NAV3: variants seen among roughly 807,000 people sequenced by gnomAD.
The protein encoded by NAV3 is pore membrane and/or filament interacting like protein 1.
In NAV3, 87 loss-of-function variants were observed where a neutral mutation model predicts 244.7. The ratio of observed to expected loss-of-function variants is 0.36; its 90% CI spans 0.30 to 0.42. The LOEUF (loss-of-function observed/expected upper bound fraction) is 0.42. Among genes scored for constraint, NAV3 ranks in the 20% least tolerant of loss-of-function variants. The pLI is 1.00. For missense variants in NAV3, 2,663 were observed against 2,893.3 expected (o/e 0.92, Z 1.83); for synonymous variants, 1,126 against 1,042.2 (o/e 1.08, Z -1.55).
At chr12:77,816,716 C>G (rs1412354714) in intron 2 of NAV3, among the ~76,000 whole-genome samples, 4 of 152,148 alleles carry the variant, frequency 2.6e-5, no homozygotes, top group African/African-American at 9.7e-5. Flanking sequence ...TTTTTATCAT[C>G]TGTCACTCCT....
chr12:77,814,312 A>G (rs1872437710), intron 2 of NAV3, among the ~76,000 whole-genome samples: 1 of 152,168 alleles, frequency 6.6e-6, no homozygotes, highest in African/African-American at 2.4e-5. Flanking sequence ...CCCTATGACA[A>G]ATTTCACAAG....
In NAV3 at chr12:77,708,418, T is replaced by C. The variant is rs540220294; in HGVS notation, c.72+136152T>C. 3.9e-3 allele frequency among the ~76,000 whole-genome samples: 589 copies of C among 152,322 alleles called. 4 individuals carry two copies. The highest frequency in any genetic ancestry group is 0.014 in the African/African-American group (563 of 41,560). On this transcript the variant is annotated intron_variant, in intron 2 of 8. Transcript: ENST00000550042. Reference sequence around the variant, plus strand: ...CTCTGTTCTGTTCCATTGATCTATATCTCTGTTTTTGTACCAGTACCATGC... The same window carrying C: ...CTCTGTTCTGTTCCATTGATCTATACCTCTGTTTTTGTACCAGTACCATGC...
At chr12:78,124,866 C>T (rs1040018023) in intron 16 of NAV3, among the ~76,000 whole-genome samples, 1 of 151,974 alleles carries the variant, frequency 6.6e-6, no homozygotes. Context: ...TGCCTTTGAG[C>T]CTTAATAAAA....
At chr12:77,778,419 T>C (rs1488265809) in intron 2 of NAV3, among the ~76,000 whole-genome samples, 3 of 151,402 alleles carry the variant, frequency 2.0e-5, no homozygotes, top group East Asian at 2.0e-4. Context: ...GAGACAATCC[T>C]GGCTAACACG....
intron 2 of NAV3, among the ~76,000 whole-genome samples, chr12:77,765,079 G>A (rs896173375): frequency 6.6e-6 from 1 of 152,222 alleles, no homozygotes; most frequent in Non-Finnish European, 1.5e-5. Context: ...CAGAAATCCT[G>A]ATCTTTTCAA....
intron 5 of NAV3, among the ~76,000 whole-genome samples, chr12:77,988,228 T>A (rs1173205901): frequency 6.6e-6 from 1 of 152,156 alleles, no homozygotes; most frequent in Non-Finnish European, 1.5e-5. Context: ...GTTCTATATT[T>A]CTAACAAGCC....
intron 3 of NAV3, among the ~76,000 whole-genome samples, chr12:77,965,210 A>G (rs1309802178): frequency 1.3e-5 from 2 of 152,220 alleles, no homozygotes; most frequent in African/African-American, 4.8e-5. Context: ...CTATGCTCTT[A>G]CGAATCTTAG....
intron 12 of NAV3, among the ~76,000 whole-genome samples, chr12:78,062,930 T>G (rs1215158113): frequency 2.0e-5 from 3 of 152,174 alleles, no homozygotes; most frequent in Non-Finnish European, 4.4e-5. Flanking sequence ...TTAGTTATTC[T>G]TTCTAAAAGC....
At chr12:77,655,004 G>A (rs567379588) in intron 2 of NAV3, among the ~76,000 whole-genome samples, 20 of 151,852 alleles carry the variant, frequency 1.3e-4, no homozygotes, top group African/African-American at 4.1e-4. Context: ...CCACAAAGAT[G>A]GGGAAAAAAC....
chr12:77,729,734 A>G lies in NAV3; in HGVS notation c.72+157468A>G, dbSNP rs150202450. Among the ~76,000 whole-genome samples the G allele has an allele frequency of 3.2e-4, 49 of 152,088 alleles. No homozygotes were observed. The East Asian group carries it at 8.7e-3, about 27-fold the overall frequency. Reference sequence around the variant, plus strand: ...TTCAGATTTCCTCCACAGCCAAATGACAACTCCTCCTAAATCCTGATATAA... The same window carrying G: ...TTCAGATTTCCTCCACAGCCAAATGGCAACTCCTCCTAAATCCTGATATAA... On this transcript the variant is annotated intron_variant, in intron 2 of 8. Coordinates refer to the NAV3 transcript ENST00000550042.
intron 2 of NAV3, among the ~76,000 whole-genome samples, chr12:77,641,753 G>A (rs1343777371): frequency 6.6e-6 from 1 of 152,048 alleles, no homozygotes; most frequent in Non-Finnish European, 1.5e-5. Context: ...CTATAGCAAT[G>A]CAATTGTCTG....
At chr12:77,997,073 C>A (rs76468812) in intron 6 of NAV3, among the ~76,000 whole-genome samples, 1 of 151,820 alleles carries the variant, frequency 6.6e-6, no homozygotes, top group African/African-American at 2.4e-5. Flanking sequence ...AACCCCGTCT[C>A]TATCAAAATA....
At chr12:78,076,693 A>G (rs142133112) in intron 12 of NAV3, among the ~76,000 whole-genome samples, 1 of 152,332 alleles carries the variant, frequency 6.6e-6, no homozygotes, top group East Asian at 1.9e-4. Context: ...GCTTTTTAAA[A>G]AAAACACAGG....
At chr12:77,579,801 A>T (rs1869266353) in intron 2 of NAV3, among the ~76,000 whole-genome samples, 1 of 152,232 alleles carries the variant, frequency 6.6e-6, no homozygotes, top group South Asian at 2.1e-4. Context: ...GCAAAGAGTT[A>T]AAAGCACAGA....
intron 2 of NAV3, among the ~76,000 whole-genome samples, chr12:77,642,166 G>A (rs1019663583): frequency 2.6e-5 from 4 of 152,026 alleles, no homozygotes; most frequent in African/African-American, 9.7e-5. Flanking sequence ...CCCTTCCAAT[G>A]GGGTTGGAAG....
intron 8 of NAV3, among the ~76,000 whole-genome samples, chr12:78,011,692 G>A (rs998548032): frequency 2.0e-5 from 3 of 152,098 alleles, no homozygotes; most frequent in African/African-American, 7.2e-5. Context: ...AGACACTAAT[G>A]GTTAGGATTT....
intron 39 of NAV3, among the ~76,000 whole-genome samples, chr12:78,207,409 A>C (rs1370085844): frequency 6.6e-6 from 1 of 152,182 alleles, no homozygotes; most frequent in Non-Finnish European, 1.5e-5. Context: ...TCAGGAGATA[A>C]CTACAGTATC....
intron 9 of NAV3, among the ~76,000 whole-genome samples, chr12:78,022,420 T>C (rs1262361241): frequency 6.6e-6 from 1 of 152,142 alleles, no homozygotes; most frequent in African/African-American, 2.4e-5. Flanking sequence ...AGCCTAAGCA[T>C]ATATGGAAGG....
intron 16 of NAV3, among the ~76,000 whole-genome samples, chr12:78,126,481 C>A (rs1291312136): frequency 6.6e-6 from 1 of 152,096 alleles, no homozygotes; most frequent in Non-Finnish European, 1.5e-5. Flanking sequence ...TTCTTATTTT[C>A]TCTAGACATA....
Sources: gnomAD v4.1 joint callset for allele counts (sites outside exome capture counted in the v4.1 genomes callset) on GRCh38, gnomAD v4.1.1 for gene constraint, MANE v1.5 for transcripts, NCBI Gene and HGNC (gene_info 2026-07-23, HGNC 2026-07-21) for gene names.